MMP26: variants seen among roughly 807,000 people sequenced by gnomAD.
MMP26 encodes the protein matrix metalloproteinase-26.
MMP26 carries 33 observed loss-of-function variants against 31.0 expected under a neutral mutation model. That is an observed-to-expected ratio of 1.06 (90% CI 0.81 to 1.42). The LOEUF (loss-of-function observed/expected upper bound fraction) is 1.42, where lower values mean the gene tolerates loss of function less well. MMP26 is among the 40% of genes most tolerant of loss of function. The pLI is 0.00. For synonymous variants in MMP26, 122 were observed against 114.9 expected (o/e 1.06, Z -0.40); for missense variants, 347 against 316.1 (o/e 1.10, Z -0.74).
Position 4,848,487 on chromosome 11 carries a change from C to A in MMP26, c.-145+81146C>A, listed in dbSNP as rs138092000. ...AGCACAGGTTTGACCAGCCTTCCAG[C>A]GATCCTCTCTGGACTCCACACCTTG... is the stretch of plus-strand genomic sequence containing the variant. On this transcript the variant is annotated intron_variant, in intron 2 of 7. Transcript: ENST00000380390. The A allele has an allele frequency of 1.2e-5, 19 of 1,613,334 alleles. No individual in the cohort carries two copies. In the African/African-American group the frequency reaches 2.0e-4, roughly 17 times the overall value.
At chr11:4,811,725 G>A (rs1285825165) in intron 2 of MMP26, among the ~76,000 whole-genome samples, 1 of 151,982 alleles carries the variant, frequency 6.6e-6, no homozygotes, top group African/African-American at 2.4e-5. Context: ...TAGGACCTGT[G>A]GTGTTTCATT....
chr11:4,822,280 C>T lies in MMP26; in HGVS notation c.-145+54939C>T, dbSNP rs191918137. 6.0e-5 allele frequency: 93 copies of T among 1,559,528 alleles called. No homozygotes were observed. In the East Asian group the frequency reaches 1.8e-3, roughly 31 times the overall value. On this transcript the variant is annotated intron_variant, in intron 2 of 7. Coordinates refer to ENST00000380390, the MANE Select transcript of MMP26 (RefSeq NM_021801.5). The stretch of plus-strand genomic sequence containing the variant: ...GGCCAATGTCTTTCTGCTAATCCCT[C>T]CTGTGCTCAACCCTATTATTTACAG...
intron 2 of MMP26, among the ~76,000 whole-genome samples, chr11:4,949,590 T>C (rs1846351309): frequency 8.2e-6 from 1 of 122,398 alleles, no homozygotes; most frequent in South Asian, 2.4e-4. Context: ...ATAGGTTAAA[T>C]TTATTTATTA....
intron 2 of MMP26, among the ~76,000 whole-genome samples, chr11:4,986,905 T>TGCTCTC (rs1846899080): frequency 2.1e-5 from 1 of 48,646 alleles, no homozygotes; most frequent in Non-Finnish European, 3.9e-5. Flanking sequence ...CTTCCTTCCT[T>TGCTCTC]TCTCTCTCTC....
intron 1 of MMP26, among the ~76,000 whole-genome samples, chr11:4,716,875 C>G (rs1282727996): frequency 6.6e-6 from 1 of 151,938 alleles, no homozygotes; most frequent in Non-Finnish European, 1.5e-5. Context: ...TTTGGCCAGG[C>G]TGGTCTCAAA....
At chr11:4,784,956 T>A (rs572751106) in intron 2 of MMP26, among the ~76,000 whole-genome samples, 2 of 152,340 alleles carry the variant, frequency 1.3e-5, no homozygotes, top group South Asian at 2.1e-4. Context: ...AGATTTTGAA[T>A]GTTTTCACAA....
At chr11:4,746,039 A>G (rs557560797) in intron 1 of MMP26, among the ~76,000 whole-genome samples, 1 of 152,322 alleles carries the variant, frequency 6.6e-6, no homozygotes, top group South Asian at 2.1e-4. Context: ...CTTGTACTAT[A>G]GTTGTTATGT....
chr11:4,954,220 T>TGACTGAA (rs3065971), intron 2 of MMP26, among the ~76,000 whole-genome samples: 75,908 of 120,614 alleles, frequency 0.63, 31,090 homozygotes, highest in South Asian at 0.79. Flanking sequence ...AAATGCTTGG[T>TGACTGAA]GACTTCTAGG....
At chr11:4,964,403 T>C (rs1846562491) in intron 2 of MMP26, among the ~76,000 whole-genome samples, 1 of 152,142 alleles carries the variant, frequency 6.6e-6, no homozygotes, top group Non-Finnish European at 1.5e-5. Flanking sequence ...GTCAGGTTTG[T>C]TGAAGATCAG....
intron 2 of MMP26, chr11:4,915,627 C>T (rs750568250): frequency 2.3e-5 from 37 of 1,613,458 alleles, no homozygotes; most frequent in Middle Eastern, 1.6e-4. Flanking sequence ...GTAGCAGAAA[C>T]GCTGCTGCTG....
intron 2 of MMP26, among the ~76,000 whole-genome samples, chr11:4,929,149 C>A (rs898482765): frequency 3.3e-5 from 5 of 151,962 alleles, no homozygotes; most frequent in African/African-American, 1.2e-4. Flanking sequence ...CAGAGAAAAA[C>A]CAATGTGTTT....
intron 2 of MMP26, chr11:4,848,952 A>T: frequency 6.2e-7 from 1 of 1,614,144 alleles, no homozygotes; most frequent in African/African-American, 1.3e-5. Context: ...CAGTGTGGGC[A>T]TCAGGGCAGT....
At chr11:4,723,157 C>T in intron 1 of MMP26, 2 of 1,599,216 alleles carry the variant, frequency 1.3e-6, no homozygotes, top group Non-Finnish European at 1.7e-6. Flanking sequence ...TAATGGCCAG[C>T]TCCCCACGCT....
chr11:4,788,766 T>C (rs1368047870), intron 2 of MMP26, among the ~76,000 whole-genome samples: 1 of 152,104 alleles, frequency 6.6e-6, no homozygotes, highest in Non-Finnish European at 1.5e-5. Flanking sequence ...TCCTCAGTAT[T>C]CTCAATGTGA....
At position 4,821,889 on chromosome 11, in the gene MMP26, C is replaced by T. The variant is rs142530902; in HGVS notation, c.-145+54548C>T. On this transcript the variant is annotated intron_variant, in intron 2 of 7. Coordinates refer to ENST00000380390, the MANE Select transcript of MMP26 (RefSeq NM_021801.5). ...TGAGCATGTTGATAAGAAATGTTGC[C>T]GTCATGTTGCCAGTCATGCTCTTTG... 3.7e-5 allele frequency: 59 copies of T among 1,613,944 alleles called. No individual in the cohort carries two copies. In the African/African-American group the frequency reaches 4.9e-4, roughly 13 times the overall value.
At chr11:4,722,032 T>C (rs1403596392) in intron 1 of MMP26, among the ~76,000 whole-genome samples, 1 of 152,228 alleles carries the variant, frequency 6.6e-6, no homozygotes, top group Non-Finnish European at 1.5e-5. Flanking sequence ...TCCAACCGTG[T>C]GAAGTGCATT....
At chr11:4,774,852 CT>C in intron 2 of MMP26, among the ~76,000 whole-genome samples, 1 of 152,170 alleles carries the variant, frequency 6.6e-6, no homozygotes, top group East Asian at 1.9e-4. Flanking sequence ...AAATGGATAG[CT>C]AGTTCTCCCA....
In MMP26 at chr11:4,988,199, A is replaced by G; in HGVS notation, c.-13A>G. The G allele has an allele frequency of 6.2e-7, 1 of 1,613,562 alleles. No homozygotes were observed. The highest frequency in any genetic ancestry group is 1.1e-5 in the South Asian group (1 of 91,076). ...TACCTGAATTCAAGCAGTGGGACAA[A>G]TGAGGGTTTGGCATGCAGCTCGTCA... is the stretch of plus-strand genomic sequence containing the variant. On this transcript the variant is annotated 5_prime_UTR_variant, in exon 3 of 8. The change abolishes an upstream ATG in the 5' untranslated region. Coordinates refer to ENST00000380390, the MANE Select transcript of MMP26 (RefSeq NM_021801.5).
chr11:4,780,607 C>A (rs1848845501), intron 2 of MMP26, among the ~76,000 whole-genome samples: 1 of 151,948 alleles, frequency 6.6e-6, no homozygotes, highest in Non-Finnish European at 1.5e-5. Flanking sequence ...TGTACTCATG[C>A]ATTATGGCTA....
Sources: gnomAD v4.1 joint callset for allele counts (sites outside exome capture counted in the v4.1 genomes callset) on GRCh38, gnomAD v4.1.1 for gene constraint, MANE v1.5 for transcripts, NCBI Gene and HGNC (gene_info 2026-07-23, HGNC 2026-07-21) for gene names.